Variants in ZDHHC15 observed in about 807,000 individuals in gnomAD.
ZDHHC15 encodes the protein palmitoyltransferase ZDHHC15.
A neutral mutation model predicts 31.7 loss-of-function variants in ZDHHC15; 19 were observed. The observed-to-expected ratio is 0.60, with a 90% CI of 0.42 to 0.88. ZDHHC15 has a LOEUF of 0.88. Ranked by LOEUF, ZDHHC15 falls within the 40% of genes least tolerant of loss-of-function variation. The pLI is 0.00. For synonymous variants in ZDHHC15, 103 were observed against 90.0 expected, an observed-to-expected ratio of 1.14 and a Z score of -0.82; for missense variants, 209 against 251.2, an observed-to-expected ratio of 0.83 and a Z score of 1.14.
At chrX:75,384,369 G>T (rs1218624718) in intron 10 of ZDHHC15, 21 of 1,000,986 alleles carry the variant, frequency 2.1e-5, no homozygotes, top group Non-Finnish European at 2.4e-5. Context: ...AGGGAAAGAG[G>T]AGAGGCACCC....
intron 10 of ZDHHC15, among the ~76,000 whole-genome samples, chrX:75,408,813 T>G (rs1251722877): frequency 1.8e-5 from 2 of 112,297 alleles, no homozygotes; most frequent in East Asian, 5.5e-4. Flanking sequence ...CAAACAATCT[T>G]AAGAAATAAA....
intron 11 of ZDHHC15, among the ~76,000 whole-genome samples, chrX:75,373,902 T>C (rs1158388446): frequency 2.9e-5 from 3 of 103,247 alleles, no homozygotes; most frequent in African/African-American, 1.0e-4. Context: ...CCCTAGCAAA[T>C]ACTAGGTCTT....
intron 2 of ZDHHC15, 77 bp from the exon 3 acceptor site, chrX:75,479,062 A>G: frequency 1.5e-6 from 1 of 670,340 alleles, no homozygotes; most frequent in Non-Finnish European, 2.1e-6. Flanking sequence ...AAGCTCCATG[A>G]CGAATTTTTA....
chrX:75,437,068 A>G (rs1359800461), intron 4 of ZDHHC15, among the ~76,000 whole-genome samples: 1 of 109,573 alleles, frequency 9.1e-6, no homozygotes, highest in Non-Finnish European at 1.9e-5. Context: ...TTTTTAGTAG[A>G]GATGGGGTTT....
chrX:75,499,282 G>A (rs748270333), intron 2 of ZDHHC15, among the ~76,000 whole-genome samples: 22 of 111,178 alleles, frequency 2.0e-4, no homozygotes, highest in East Asian at 8.4e-4. Flanking sequence ...TAAATAGATC[G>A]GACTTAAACT....
intron 4 of ZDHHC15, among the ~76,000 whole-genome samples, chrX:75,440,523 C>A (rs963710222): frequency 8.9e-6 from 1 of 112,567 alleles, no homozygotes; most frequent in Non-Finnish European, 1.9e-5. Context: ...TCGTGATCTG[C>A]CTGCCCCGGC....
At position 75,478,974 on chromosome X, in the gene ZDHHC15, T is replaced by C; in HGVS notation, c.175A>G (p.Ile59Val). 1 of 1,182,048 alleles carries C rather than the reference T, an allele frequency of 8.5e-7. No individual in the cohort carries two copies. The highest frequency in any genetic ancestry group is 1.1e-6 in the Non-Finnish European group (1 of 876,784). Residue 59 changes from isoleucine (I) to valine (V), a missense_variant, in exon 3 of 12, where the codon ATA (isoleucine) becomes GTA (valine). Transcript: ENST00000373367. ...LSPAEKVIYL[I>V]LYHAIFVFFT... ...AACACAAAGATGGCATGGTAGAGTA[T>C]GAGGTAAATAACTGAAATAAAAAAA... is the stretch of plus-strand genomic sequence containing the variant.
At chrX:75,494,692 CT>C (rs1455697489) in intron 2 of ZDHHC15, among the ~76,000 whole-genome samples, 2 of 112,387 alleles carry the variant, frequency 1.8e-5, no homozygotes, top group Middle Eastern at 4.6e-3. Context: ...AAAAGATTCC[CT>C]ATTTAATAAA....
At chrX:75,399,081 G>C (rs1569310378) in intron 10 of ZDHHC15, among the ~76,000 whole-genome samples, 1 of 111,572 alleles carries the variant, frequency 9.0e-6, no homozygotes, top group Non-Finnish European at 1.9e-5. Context: ...AAAATCTGAG[G>C]TGATTAGGAT....
intron 10 of ZDHHC15, among the ~76,000 whole-genome samples, chrX:75,416,692 G>A (rs757389486): frequency 1.5e-4 from 17 of 111,602 alleles, no homozygotes; most frequent in African/African-American, 5.2e-4. Context: ...AAGAGAGTGA[G>A]TATAGGATTT....
intron 4 of ZDHHC15, among the ~76,000 whole-genome samples, chrX:75,444,524 G>A (rs1300366121): frequency 9.8e-6 from 1 of 101,779 alleles, no homozygotes; most frequent in Non-Finnish European, 2.0e-5. Context: ...TGTAAATGGC[G>A]AGTTAATGGG....
At chrX:75,383,208 T>C (rs190717822) in intron 10 of ZDHHC15, among the ~76,000 whole-genome samples, 2 of 112,445 alleles carry the variant, frequency 1.8e-5, no homozygotes, top group Admixed American at 1.9e-4. Flanking sequence ...AATGGGGTTA[T>C]TTAATGTTTA....
intron 2 of ZDHHC15, among the ~76,000 whole-genome samples, chrX:75,488,927 G>C (rs1452411172): frequency 8.9e-6 from 1 of 112,187 alleles, no homozygotes; most frequent in Non-Finnish European, 1.9e-5. Flanking sequence ...AATGGTCTTA[G>C]CAAACGGCAC....
At chrX:75,428,800 A>G (rs747226665) in intron 7 of ZDHHC15, among the ~76,000 whole-genome samples, 1 of 111,921 alleles carries the variant, frequency 8.9e-6, no homozygotes, top group African/African-American at 3.2e-5. Flanking sequence ...GGAGAAATAC[A>G]TTGTAAAGAA....
chrX:75,508,908 C>A (rs1045305798), intron 1 of ZDHHC15, among the ~76,000 whole-genome samples: 3 of 111,332 alleles, frequency 2.7e-5, no homozygotes, highest in African/African-American at 9.8e-5. Flanking sequence ...TGATGATGAG[C>A]ATTTTTTCAT....
At position 75,474,985 on chromosome X, in the gene ZDHHC15, G is replaced by A. The variant is rs749808615; in HGVS notation, c.258+3906C>T. Among the ~76,000 whole-genome samples, 1,031 of 110,947 alleles carry A rather than the reference G, an allele frequency of 9.3e-3. 17 individuals are homozygous for A. Among genetic ancestry groups the A allele is most frequent in the African/African-American group, 0.031 (948 of 30,506 alleles). On this transcript the variant is annotated intron_variant, in intron 3 of 11. Coordinates refer to ENST00000373367, the MANE Select transcript of ZDHHC15 (RefSeq NM_144969.3). ...TGAGGCAGGAGAATGGCGTGAACCC[G>A]GAGGTGGAGCTTGCAGTGAGCCGAG...
intron 10 of ZDHHC15, among the ~76,000 whole-genome samples, chrX:75,407,849 A>G (rs755822834): frequency 8.9e-6 from 1 of 112,389 alleles, no homozygotes; most frequent in Non-Finnish European, 1.9e-5. Context: ...AGGAGACTCC[A>G]TTTTGTTCTG....
intron 3 of ZDHHC15, among the ~76,000 whole-genome samples, chrX:75,458,078 G>A (rs1201630137): frequency 2.7e-5 from 3 of 111,890 alleles, no homozygotes; most frequent in African/African-American, 9.7e-5. Context: ...ATGGAAACAA[G>A]TATACTTCAA....
At chrX:75,413,120 T>G (rs935070177) in intron 10 of ZDHHC15, among the ~76,000 whole-genome samples, 2 of 112,568 alleles carry the variant, frequency 1.8e-5, no homozygotes, top group African/African-American at 6.4e-5. Flanking sequence ...TGCTTACTTG[T>G]AATCATTTTA....
Sources: gnomAD v4.1 joint callset for allele counts (sites outside exome capture counted in the v4.1 genomes callset) on GRCh38, gnomAD v4.1.1 for gene constraint, MANE v1.5 for transcripts, NCBI Gene and HGNC (gene_info 2026-07-23, HGNC 2026-07-21) for gene names.